ORC6: variants seen among roughly 807,000 people sequenced by gnomAD.
The protein encoded by ORC6 is origin recognition complex subunit 6.
In ORC6, 31 loss-of-function variants were observed where a neutral mutation model predicts 30.0. The ratio of observed to expected loss-of-function variants is 1.03; its 90% CI spans 0.78 to 1.40. The LOEUF (loss-of-function observed/expected upper bound fraction) is 1.40. Among genes scored for constraint, ORC6 ranks in the 40% most tolerant of loss-of-function variants. The probability of loss-of-function intolerance (pLI) is 0.00; values close to 1 mark genes in which losing one functional copy is unlikely to be tolerated. For synonymous variants in ORC6, 136 were observed against 111.2 expected (o/e 1.22, Z -1.40); for missense variants, 340 against 304.3 (o/e 1.12, Z -0.87).
At chr16:46,697,386 CAA>C in intron 6 of ORC6, 70 bp from the exon 7 acceptor site, 4 of 1,346,876 alleles carry the variant, frequency 3.0e-6, no homozygotes, top group Non-Finnish European at 4.2e-6. Flanking sequence ...ACAATTTAAA[CAA>C]GTTTACCTTT....
In ORC6 at chr16:46,689,784, C is replaced by T; in HGVS notation, c.65+14C>T. 2 of 1,584,760 alleles carry T rather than the reference C, an allele frequency of 1.3e-6. No homozygotes were observed. The highest frequency in any genetic ancestry group is 1.7e-6 in the Non-Finnish European group (2 of 1,167,494). On this transcript the variant is annotated intron_variant, in intron 1 of 6. Coordinates refer to ENST00000219097, the MANE Select transcript of ORC6 (RefSeq NM_014321.4). ...CGACATGCTGAGGTGAGTTCGGCCG[C>T]GCAAGACCAGGGCTGGGCTTCCGCC...
In ORC6 at chr16:46,691,044, C is replaced by G. The variant is rs149575854; in HGVS notation, c.119C>G (p.Ala40Gly). The change falls in exon 2 of 7, where the codon GCA (alanine) becomes GGA (glycine). Residue 40 changes from alanine to glycine, a missense_variant. Transcript: ENST00000219097. Reference sequence around the variant, plus strand: ...CGGGTGAAGTGTGTCGGCCTCTCCGCACGCACCACGGAGACCAGCAGTGCA... The same window carrying G: ...CGGGTGAAGTGTGTCGGCCTCTCCGGACGCACCACGGAGACCAGCAGTGCA... ...LSRVKCVGLS[A>G]RTTETSSAVM... The G allele has an allele frequency of 1.1e-5, 17 of 1,613,730 alleles. No homozygotes were observed. The highest frequency in any genetic ancestry group is 1.4e-5 in the Non-Finnish European group (16 of 1,179,668).
At chr16:46,693,639 GA>G (rs113628456) in intron 4 of ORC6, 3,793 of 141,584 alleles carry the variant, frequency 0.027, 37 homozygotes, top group Non-Finnish European at 0.029. Flanking sequence ...AATCTCTTAA[GA>G]AAAAAAAAAA....
chr16:46,695,491 G>A (rs572170338), intron 4 of ORC6, 71 bp from the exon 5 acceptor site: 13 of 911,954 alleles, frequency 1.4e-5, no homozygotes, highest in Middle Eastern at 2.2e-4. Flanking sequence ...AAAATAAGTT[G>A]ATTATCTGGT....
rs1034388192 is a variant in ORC6, at chr16:46,691,046, C to T, written c.121C>T (p.Arg41Cys). Residue 41 changes from arginine (R) to cysteine (C), a missense_variant, in exon 2 of 7, where the codon CGC (arginine) becomes TGC (cysteine). By Grantham distance (180) the Arg-to-Cys change is radical. Transcript: ENST00000219097. ...GGTGAAGTGTGTCGGCCTCTCCGCA[C>T]GCACCACGGAGACCAGCAGTGCAGT... ...SRVKCVGLSA[R>C]TTETSSAVMC... 1.9e-6 allele frequency: 3 copies of T among 1,613,726 alleles called. No homozygotes were observed. Among genetic ancestry groups the T allele is most frequent in the South Asian group, 2.2e-5 (2 of 91,080 alleles).
chr16:46,696,575 A>T (rs1390411083), intron 6 of ORC6, among the ~76,000 whole-genome samples: 1 of 152,186 alleles, frequency 6.6e-6, no homozygotes, highest in Non-Finnish European at 1.5e-5. Context: ...ATCTCAGGCA[A>T]ATGGCTGCAT....
chr16:46,692,283 T>C (rs1301785032), intron 2 of ORC6, 99 bp from the exon 3 acceptor site: 24 of 1,044,236 alleles, frequency 2.3e-5, no homozygotes, highest in Non-Finnish European at 3.2e-5. Flanking sequence ...ACAAAATTAA[T>C]TTTGAAAAGT....
At chr16:46,696,672 C>G (rs1966521166) in intron 6 of ORC6, among the ~76,000 whole-genome samples, 1 of 151,990 alleles carries the variant, frequency 6.6e-6, no homozygotes, top group Admixed American at 6.6e-5. Context: ...TTCTCTTTTT[C>G]TGAGACATGG....
Position 46,691,109 on chromosome 16 carries a change from C to G in ORC6, c.184C>G (p.Pro62Ala). ...CCTTGCAGCTTCCTGGATGAAGTGC[C>G]CCTTGGACAGGGTAAGTAGGTCCCA... ...LDLAASWMKC[P>A]LDRAYLIKLS... Residue 62 changes from proline (P) to alanine (A), a missense_variant, in exon 2 of 7, where the codon CCC becomes GCC. By Grantham distance (27) the Pro-to-Ala change is conservative (BLOSUM62 -1). Transcript: ENST00000219097. The G allele has an allele frequency of 1.9e-6, 3 of 1,614,100 alleles. No homozygotes were observed. Among genetic ancestry groups the G allele is most frequent in the Non-Finnish European group, 2.5e-6 (3 of 1,179,978 alleles).
intron 2 of ORC6, among the ~76,000 whole-genome samples, chr16:46,691,958 A>ACACACCCTCTCTCTCTCTCTCTCTCT: frequency 2.7e-5 from 1 of 36,664 alleles, no homozygotes; most frequent in African/African-American, 9.6e-5. Flanking sequence ...ACACACACAC[A>ACACACCCTCTCTCTCTCTCTCTCTCT]CTCTCTCTCT....
rs1596734981 is a variant in ORC6, at chr16:46,693,390, G to A, written c.449+208G>A. On this transcript the variant is annotated intron_variant, in intron 4 of 6. Transcript: ENST00000219097. ...AACTAGTGTTGCCAGAATTCCACTA[G>A]CAAATAGCAGCTGTATATATATGCT... 4 of 599,498 alleles carry A rather than the reference G, an allele frequency of 6.7e-6. No homozygotes were observed. In the East Asian group the frequency reaches 1.1e-4, roughly 17 times the overall value. The allele number at this position is 599,498 out of a possible 1,614,324, so 37.1% of individuals were successfully genotyped here.
chr16:46,696,228 T>G (rs1966516331), intron 6 of ORC6, 143 bp downstream of exon 6: 2 of 704,700 alleles, frequency 2.8e-6, no homozygotes, highest in Non-Finnish European at 5.2e-6. Context: ...TTCCAAGCAA[T>G]CAGTAATGGA....
intron 6 of ORC6, chr16:46,696,298 G>A (rs868249100): frequency 5.1e-6 from 3 of 584,226 alleles, no homozygotes; most frequent in Non-Finnish European, 9.3e-6. Flanking sequence ...GCTTATTCCT[G>A]TAATCCCAGC....
intron 5 of ORC6, 116 bp from the exon 6 acceptor site, chr16:46,695,901 C>T: frequency 2.4e-6 from 2 of 828,960 alleles, no homozygotes; most frequent in South Asian, 1.4e-5. Flanking sequence ...AAGATCATTT[C>T]TCTTCTCCTC....
Position 46,697,814 on chromosome 16 carries a change from C to T in ORC6, c.*229C>T. On this transcript the variant is annotated 3_prime_UTR_variant, in exon 7 of 7. Coordinates refer to ENST00000219097, the MANE Select transcript of ORC6 (RefSeq NM_014321.4). ...TGATTGGTATAGCCTTATGTGCTTTCCTACAAAATGGAATTGGAGGCCGGG... is the reference window on the plus strand; with the variant it reads ...TGATTGGTATAGCCTTATGTGCTTTTCTACAAAATGGAATTGGAGGCCGGG... 2 of 627,928 alleles carry T rather than the reference C, an allele frequency of 3.2e-6. No homozygotes were observed. The highest frequency in any genetic ancestry group is 2.9e-6 in the Non-Finnish European group (1 of 340,764). The allele number at this position is 627,928 out of a possible 1,614,324, so 38.9% of individuals were successfully genotyped here.
chr16:46,695,716 A>G, intron 5 of ORC6, 42 bp downstream of exon 5: 1 of 1,302,536 alleles, frequency 7.7e-7, no homozygotes, highest in Non-Finnish European at 1.1e-6. Flanking sequence ...TTGAAAATGT[A>G]GTCCTTTTGC....
At chr16:46,690,950 T>C (rs1242367755) in intron 1 of ORC6, 41 bp from the exon 2 acceptor site, 4 of 1,612,782 alleles carry the variant, frequency 2.5e-6, no homozygotes, top group Non-Finnish European at 2.5e-6. Context: ...TTGAGCAAAC[T>C]TCTGAATAAG....
chr16:46,692,241 T>C, intron 2 of ORC6, 141 bp from the exon 3 acceptor site: 1 of 667,128 alleles, frequency 1.5e-6, no homozygotes, highest in Non-Finnish European at 2.6e-6. Context: ...TTTGACTAAA[T>C]GAAGCTAAAC....
chr16:46,697,748 G>A lies in ORC6; in HGVS notation c.*163G>A, dbSNP rs1025551646. 2 of 772,120 alleles carry A rather than the reference G, an allele frequency of 2.6e-6. No individual in the cohort carries two copies. The highest frequency in any genetic ancestry group is 3.4e-5 in the African/African-American group (2 of 58,388). The allele number at this position is 772,120 out of a possible 1,614,324, so 47.8% of individuals were successfully genotyped here. On this transcript the variant is annotated 3_prime_UTR_variant, in exon 7 of 7. Coordinates refer to ENST00000219097, the MANE Select transcript of ORC6 (RefSeq NM_014321.4). ...TACCTGGAGGCTAAGTCTGGGCAGTGGGCTGGCCCCTGGTGTGAGCATTAG... is the reference window on the plus strand; with the variant it reads ...TACCTGGAGGCTAAGTCTGGGCAGTAGGCTGGCCCCTGGTGTGAGCATTAG...
Sources: allele counts gnomAD v4.1 joint callset (sites outside exome capture counted in the v4.1 genomes callset), GRCh38; gene constraint gnomAD v4.1.1; transcripts MANE v1.5; gene names NCBI Gene and HGNC (gene_info 2026-07-23, HGNC 2026-07-21).